The following PTPRK variants were observed in gnomAD, a reference collection of about 807,000 sequenced individuals.
The protein encoded by PTPRK is receptor-type tyrosine-protein phosphatase kappa.
A neutral mutation model predicts 178.0 loss-of-function variants in PTPRK; 75 were observed. The observed-to-expected ratio is 0.42, with a 90% CI of 0.35 to 0.51. PTPRK has a LOEUF of 0.51. Ranked by LOEUF, PTPRK falls within the 20% of genes least tolerant of loss-of-function variation. PTPRK has a pLI of 0.02. For synonymous variants in PTPRK, 637 were observed against 620.6 expected (o/e 1.03, Z -0.39); for missense variants, 1,441 against 1,797.8 (o/e 0.80, Z 3.59).
At chr6:128,148,885 G>A (rs76319368) in intron 7 of PTPRK, among the ~76,000 whole-genome samples, 4,266 of 151,964 alleles carry the variant, frequency 0.028, 161 homozygotes, top group African/African-American at 0.067. Context: ...TTAGCCTTGG[G>A]GGAATGAGAC....
intron 1 of PTPRK, among the ~76,000 whole-genome samples, chr6:128,487,405 C>A (rs975256621): frequency 6.6e-6 from 1 of 151,540 alleles, no homozygotes; most frequent in Non-Finnish European, 1.5e-5. Flanking sequence ...TTCTGACTTT[C>A]TCCTGCCCTT....
chr6:128,137,437 T>G (rs1012300485), intron 7 of PTPRK, among the ~76,000 whole-genome samples: 1 of 152,180 alleles, frequency 6.6e-6, no homozygotes, highest in Non-Finnish European at 1.5e-5. Context: ...TAGAAAATTA[T>G]CTTAACTGCT....
At chr6:128,479,721 A>G (rs1345873114) in intron 1 of PTPRK, among the ~76,000 whole-genome samples, 1 of 152,166 alleles carries the variant, frequency 6.6e-6, no homozygotes, top group Non-Finnish European at 1.5e-5. Context: ...AAGCAGAATT[A>G]AAAGGAGAAA....
At chr6:128,152,431 G>A (rs939234220) in intron 7 of PTPRK, among the ~76,000 whole-genome samples, 14 of 151,936 alleles carry the variant, frequency 9.2e-5, no homozygotes, top group African/African-American at 3.4e-4. Context: ...GGATATCAGG[G>A]GAGAGGCACC....
intron 7 of PTPRK, among the ~76,000 whole-genome samples, chr6:128,151,014 C>A (rs892471874): frequency 8.6e-5 from 13 of 151,920 alleles, no homozygotes; most frequent in African/African-American, 3.1e-4. Context: ...GATTGTAGGA[C>A]TAAAACAAAA....
intron 3 of PTPRK, among the ~76,000 whole-genome samples, chr6:128,317,433 A>G (rs1350987503): frequency 2.0e-5 from 3 of 151,240 alleles, no homozygotes; most frequent in Admixed American, 1.3e-4. Context: ...TTCTCTCTCC[A>G]AATAGATTGA....
At chr6:128,444,505 A>G (rs1846688270) in intron 1 of PTPRK, among the ~76,000 whole-genome samples, 1 of 152,062 alleles carries the variant, frequency 6.6e-6, no homozygotes, top group South Asian at 2.1e-4. Context: ...AAGCCCAGTT[A>G]TATGCTGAGC....
At chr6:128,325,389 A>C (rs548118468) in intron 2 of PTPRK, among the ~76,000 whole-genome samples, 2 of 152,202 alleles carry the variant, frequency 1.3e-5, no homozygotes, top group South Asian at 2.1e-4. Context: ...GAACAGGCAA[A>C]CTACAGAATG....
intron 7 of PTPRK, among the ~76,000 whole-genome samples, chr6:128,098,749 G>A (rs1166365448): frequency 6.6e-6 from 1 of 152,062 alleles, no homozygotes; most frequent in African/African-American, 2.4e-5. Context: ...TTTAAGAATT[G>A]CATTTCTATA....
At chr6:128,309,623 C>G (rs774002681) in intron 3 of PTPRK, among the ~76,000 whole-genome samples, 1 of 152,034 alleles carries the variant, frequency 6.6e-6, no homozygotes, top group African/African-American at 2.4e-5. Flanking sequence ...TCTCATCAGC[C>G]TCTTTGTTTT....
intron 2 of PTPRK, among the ~76,000 whole-genome samples, chr6:128,375,897 T>C (rs1837005980): frequency 6.6e-6 from 1 of 152,162 alleles, no homozygotes; most frequent in African/African-American, 2.4e-5. Context: ...AATTCCAAAA[T>C]GAGCTCCTTT....
intron 6 of PTPRK, among the ~76,000 whole-genome samples, chr6:128,187,808 C>T (rs1803029197): frequency 6.6e-6 from 1 of 152,064 alleles, no homozygotes; most frequent in Non-Finnish European, 1.5e-5. Flanking sequence ...TGATTAACAG[C>T]ATGATTTTAA....
chr6:127,979,595 GC>G (rs748972131), intron 25 of PTPRK, among the ~76,000 whole-genome samples: 3 of 152,214 alleles, frequency 2.0e-5, no homozygotes, highest in Non-Finnish European at 2.9e-5. Flanking sequence ...AAGGATGAGA[GC>G]TTTTCACAGG....
intron 2 of PTPRK, among the ~76,000 whole-genome samples, chr6:128,334,845 C>A (rs1344974968): frequency 1.3e-5 from 2 of 152,178 alleles, no homozygotes; most frequent in African/African-American, 4.8e-5. Context: ...AATCCCCGGA[C>A]TTTGGGGGCT....
intron 7 of PTPRK, among the ~76,000 whole-genome samples, chr6:128,092,572 A>G (rs887024682): frequency 2.0e-5 from 3 of 152,188 alleles, no homozygotes. Context: ...ATGTACATCT[A>G]TATGTGTGTA....
chr6:128,416,102 T>G (rs548526665), intron 1 of PTPRK, among the ~76,000 whole-genome samples: 1 of 152,080 alleles, frequency 6.6e-6, no homozygotes, highest in Admixed American at 6.5e-5. Flanking sequence ...AGTACATAAT[T>G]ACAGTATGAG....
In PTPRK at chr6:128,459,558, G is replaced by T. The variant is rs548582010; in HGVS notation, c.100+60701C>A. Among the ~76,000 whole-genome samples, 6 of 152,252 alleles carry T rather than the reference G, an allele frequency of 3.9e-5. No homozygotes were observed. In the South Asian group the frequency reaches 1.2e-3, roughly 32 times the overall value. ...CATTTGAACCAGTGAAACAGCACAGGCCAGAAGTCTGGCCCTGTACTCTAT... is the reference window on the plus strand; with the variant it reads ...CATTTGAACCAGTGAAACAGCACAGTCCAGAAGTCTGGCCCTGTACTCTAT... On this transcript the variant is annotated intron_variant, in intron 1 of 29. Coordinates refer to ENST00000368226, the MANE Select transcript of PTPRK (RefSeq NM_002844.4).
intron 1 of PTPRK, among the ~76,000 whole-genome samples, chr6:128,474,818 A>G (rs55848328): frequency 0.13 from 19,514 of 152,190 alleles, 1,643 homozygotes; most frequent in Non-Finnish European, 0.19. Context: ...CAAACACCCA[A>G]TGTCTCAACT....
chr6:128,379,101 C>G (rs1312497139), intron 2 of PTPRK, among the ~76,000 whole-genome samples: 1 of 152,096 alleles, frequency 6.6e-6, no homozygotes, highest in Non-Finnish European at 1.5e-5. Flanking sequence ...ACTAGTCTGT[C>G]TAGTTTCTGA....
Sources: gnomAD v4.1 joint callset for allele counts (sites outside exome capture counted in the v4.1 genomes callset) on GRCh38, gnomAD v4.1.1 for gene constraint, MANE v1.5 for transcripts, NCBI Gene and HGNC (gene_info 2026-07-23, HGNC 2026-07-21) for gene names.